The following TMEM44 variants were observed in gnomAD, a reference collection of about 807,000 sequenced individuals.
TMEM44 encodes the protein transmembrane protein 44.
TMEM44 carries 43 observed loss-of-function variants against 47.8 expected under a neutral mutation model. That is an observed-to-expected ratio of 0.90 (90% CI 0.70 to 1.16). The LOEUF is 1.16. Ranked by LOEUF, TMEM44 falls within the 50% of genes most tolerant of loss-of-function variation. The probability of loss-of-function intolerance (pLI) is 0.00; values close to 1 mark genes in which losing one functional copy is unlikely to be tolerated. For synonymous variants in TMEM44, 277 were observed against 238.8 expected, an observed-to-expected ratio of 1.16 and a Z score of -1.48; for missense variants, 568 against 555.2, an observed-to-expected ratio of 1.02 and a Z score of -0.23.
chr3:194,618,016 G>A (rs1314522372), intron 5 of TMEM44, among the ~76,000 whole-genome samples: 2 of 152,150 alleles, frequency 1.3e-5, no homozygotes, highest in Non-Finnish European at 2.9e-5. Context: ...AGATGCTGGC[G>A]TCATGCTTGG....
chr3:194,611,560 A>G lies in TMEM44; in HGVS notation c.913-540T>C, dbSNP rs12631612. On this transcript the variant is annotated intron_variant, in intron 7 of 9. Transcript: ENST00000347147. The surrounding 1 kb of genome is among the most constrained non-coding windows in gnomAD (Gnocchi z 4.2). ...TCCCACTTCCAGACATTCTGATTTC[A>G]TGGGTATGAGATGTAACCGGGAAGT... Among the ~76,000 whole-genome samples, 698 of 152,308 alleles carry G rather than the reference A, an allele frequency of 4.6e-3. 8 individuals are homozygous for G. Among genetic ancestry groups the G allele is most frequent in the East Asian group, 0.033 (172 of 5,180 alleles).
Position 194,625,978 on chromosome 3 carries a change from C to T in TMEM44, c.277G>A (p.Ala93Thr). 6.2e-7 allele frequency: 1 copy of T among 1,613,542 alleles called. No homozygotes were observed. The highest frequency in any genetic ancestry group is 8.5e-7 in the Non-Finnish European group (1 of 1,179,556). Reference sequence around the variant, plus strand: ...ACTAAGTCAATAGCTGCTAGGTAGGCACCAGTGAAAACCTGGGAGCAAACG... The same window carrying T: ...ACTAAGTCAATAGCTGCTAGGTAGGTACCAGTGAAAACCTGGGAGCAAACG... ...RQLTIQVFTG[A>T]YLAAIDLVNF... The change falls in exon 3 of 10, where the codon GCC becomes ACC. Residue 93 changes from alanine to threonine, a missense_variant. Transcript: ENST00000347147.
rs1032406577 is a variant in TMEM44 at position 194,633,132 on chromosome 3, G to C, written c.84C>G (p.Ile28Met). ...DRCFARHRVCISFGLWICASS... is the reference protein window; with the variant it reads ...DRCFARHRVCMSFGLWICASS... The stretch of plus-strand genomic sequence containing the variant: ...AGGCGCAGATCCACAGGCCGAAGGA[G>C]ATGCAGACGCGGTGGCGGGCGAAGC... Residue 28 changes from isoleucine (I) to methionine (M), a missense_variant, in exon 1 of 10, where the codon ATC (isoleucine) becomes ATG (methionine). By Grantham distance (10) the Ile-to-Met change is conservative. Transcript: ENST00000347147. 2 of 1,551,792 alleles carry C rather than the reference G, an allele frequency of 1.3e-6. No individual in the cohort carries two copies. The highest frequency in any genetic ancestry group is 1.9e-5 in the Admixed American group (1 of 51,476).
intron 6 of TMEM44, 93 bp from the exon 7 acceptor site, chr3:194,615,790 C>A: frequency 6.7e-7 from 1 of 1,494,332 alleles, no homozygotes; most frequent in Non-Finnish European, 9.1e-7. Flanking sequence ...CCCCCCTCCC[C>A]ACTCACCTAC....
chr3:194,622,008 A>C (rs1716595174), intron 5 of TMEM44, among the ~76,000 whole-genome samples: 1 of 152,130 alleles, frequency 6.6e-6, no homozygotes, highest in Non-Finnish European at 1.5e-5. Context: ...CACCGCACCC[A>C]GCTGATTCTT....
rs1397503189 is a variant in TMEM44, at chr3:194,588,592, C to G, written c.1224G>C (p.Glu408Asp). The change falls in exon 10 of 10, where the codon GAG becomes GAC. Residue 408 changes from glutamate to aspartate, a missense_variant. Glu to Asp is a conservative substitution (Grantham distance 45, BLOSUM62 2). Coordinates refer to ENST00000347147, the MANE Select transcript of TMEM44 (RefSeq NM_001011655.3). ...CCTGGTGCACCTGGGATCCCAGTAG[C>G]TCCACATTTTCTTTGCTGCCTTCGA... ...VNLEGSKENV[E>D]LLGSQVHQDS... 1.2e-6 allele frequency: 2 copies of G among 1,614,218 alleles called. No homozygotes were observed. The highest frequency in any genetic ancestry group is 4.5e-5 in the East Asian group (2 of 44,886).
At chr3:194,603,590 G>C (rs1332200550) in intron 9 of TMEM44, among the ~76,000 whole-genome samples, 2 of 152,098 alleles carry the variant, frequency 1.3e-5, no homozygotes, top group African/African-American at 2.4e-5. Flanking sequence ...TAGAGACAGG[G>C]TTTCTCCATG....
intron 3 of TMEM44, among the ~76,000 whole-genome samples, chr3:194,623,926 C>T (rs2108598389): frequency 6.6e-6 from 1 of 152,050 alleles, no homozygotes; most frequent in Middle Eastern, 3.4e-3. Context: ...TAACGTGCTG[C>T]CCTCCTTCCT....
rs997161181 is a variant in TMEM44 at position 194,615,560 on chromosome 3, G to A, written c.912+9C>T. 1.3e-5 allele frequency: 21 copies of A among 1,613,252 alleles called. No individual in the cohort carries two copies. The highest frequency in any genetic ancestry group is 2.2e-5 in the East Asian group (1 of 44,864). ...TTCCAGCCAGAGAGACCTTGTCCTC[G>A]TTCCTCACCTCCTGGTTTTCTTCCT... On this transcript the variant is annotated intron_variant, in intron 7 of 9. Coordinates refer to ENST00000347147, the MANE Select transcript of TMEM44 (RefSeq NM_001011655.3).
chr3:194,620,316 C>T (rs1278463181), intron 5 of TMEM44, among the ~76,000 whole-genome samples: 1 of 149,996 alleles, frequency 6.7e-6, no homozygotes, highest in African/African-American at 2.5e-5. Flanking sequence ...AAAAAAATAC[C>T]AGGAAGGGCC....
chr3:194,606,952 C>CAAAAAAAAAA (rs561876150), intron 8 of TMEM44, among the ~76,000 whole-genome samples: 32,848 of 109,824 alleles, frequency 0.3, 6,543 homozygotes, highest in Non-Finnish European at 0.41. Flanking sequence ...GACTCTGCCT[C>CAAAAAAAAAA]AAAAAAAAAA....
In TMEM44 at chr3:194,611,455, T is replaced by G. The variant is rs1273156037; in HGVS notation, c.913-435A>C. ...TGAGCAGCGATCTGGAGTGAAGCTG[T>G]GATCCAGGCACTGCATTCCAGCCTA... On this transcript the variant is annotated intron_variant, in intron 7 of 9. Coordinates refer to ENST00000347147, the MANE Select transcript of TMEM44 (RefSeq NM_001011655.3). This position sits in a 1 kb window ranked among gnomAD's most constrained non-coding sequence, Gnocchi z 4.2. 6.6e-6 allele frequency among the ~76,000 whole-genome samples: 1 copy of G among 152,078 alleles called. No homozygotes were observed. The highest frequency in any genetic ancestry group is 2.4e-5 in the African/African-American group (1 of 41,402).
At chr3:194,619,451 T>C (rs1716290435) in intron 5 of TMEM44, among the ~76,000 whole-genome samples, 1 of 152,138 alleles carries the variant, frequency 6.6e-6, no homozygotes, top group African/African-American at 2.4e-5. Context: ...GGCACATCCA[T>C]GTAAGGGGCT....
At chr3:194,621,780 G>A (rs1330046835) in intron 5 of TMEM44, among the ~76,000 whole-genome samples, 1 of 151,424 alleles carries the variant, frequency 6.6e-6, no homozygotes, top group South Asian at 2.1e-4. Flanking sequence ...GCAGCAGCAC[G>A]ATCTCGGCTC....
At chr3:194,613,744 G>A (rs946079729) in intron 7 of TMEM44, among the ~76,000 whole-genome samples, 4 of 150,940 alleles carry the variant, frequency 2.7e-5, no homozygotes, top group East Asian at 2.0e-4. Context: ...CACCCACCTC[G>A]GCCTCCCAAA....
rs532419933 is a variant in TMEM44, at chr3:194,611,356, C to T, written c.913-336G>A. ...TGATCCACGAGTGATCCTCCCACCT[C>T]GGCCTCCCAAAGTGCTGGGATGACA... On this transcript the variant is annotated intron_variant, in intron 7 of 9. Transcript: ENST00000347147. This position sits in a 1 kb window ranked among gnomAD's most constrained non-coding sequence, Gnocchi z 4.2. Among the ~76,000 whole-genome samples the T allele has an allele frequency of 4.6e-5, 7 of 152,220 alleles. No homozygotes were observed. The highest frequency in any genetic ancestry group is 1.4e-4 in the African/African-American group (6 of 41,530).
chr3:194,589,265 GCT>G (rs1441973270), intron 9 of TMEM44: 2 of 152,544 alleles, frequency 1.3e-5, no homozygotes, highest in Admixed American at 1.3e-4. Flanking sequence ...CTCCCAAAGT[GCT>G]CAGCTTACAG....
chr3:194,610,151 C>T (rs1027879550), intron 8 of TMEM44, among the ~76,000 whole-genome samples: 5 of 151,280 alleles, frequency 3.3e-5, no homozygotes, highest in Admixed American at 1.3e-4. Context: ...CACTTGAACC[C>T]GGGGGGCTGC....
chr3:194,609,449 G>A (rs1715090355), intron 8 of TMEM44, among the ~76,000 whole-genome samples: 1 of 152,184 alleles, frequency 6.6e-6, no homozygotes, highest in Non-Finnish European at 1.5e-5. Flanking sequence ...AAACACAGAA[G>A]AGTGGGGGCC....
Sources: allele counts gnomAD v4.1 joint callset (sites outside exome capture counted in the v4.1 genomes callset), GRCh38; gene constraint gnomAD v4.1.1; non-coding constraint Gnocchi (gnomAD v3.1); transcripts MANE v1.5; gene names NCBI Gene and HGNC (gene_info 2026-07-23, HGNC 2026-07-21).